Variants in SIPA1L1 observed in about 807,000 individuals in gnomAD.
SIPA1L1 encodes the protein signal induced proliferation associated 1 like 1.
Under a neutral mutation model 162.7 loss-of-function variants are expected in SIPA1L1, and 26 were observed. The ratio of observed to expected loss-of-function variants is 0.16; its 90% CI spans 0.12 to 0.22. SIPA1L1 has a LOEUF of 0.22. Among genes scored for constraint, SIPA1L1 ranks in the 10% least tolerant of loss-of-function variants. The pLI, the probability that SIPA1L1 is intolerant of heterozygous loss-of-function variation, is 1.00. For synonymous variants in SIPA1L1, 829 were observed against 837.4 expected, an observed-to-expected ratio of 0.99 and a Z score of 0.17; for missense variants, 1,874 against 2,241.0, an observed-to-expected ratio of 0.84 and a Z score of 3.31.
intron 5 of SIPA1L1, among the ~76,000 whole-genome samples, 195 bp downstream of exon 5, chr14:71,589,565 TATA>T (rs2035004215): frequency 1.3e-5 from 2 of 152,244 alleles, no homozygotes; most frequent in South Asian, 4.1e-4. Flanking sequence ...TCCTTTCAGA[TATA>T]TAAATGTCTT....
intron 2 of SIPA1L1, among the ~76,000 whole-genome samples, chr14:71,500,421 G>A (rs554748654): frequency 6.6e-6 from 1 of 152,104 alleles, no homozygotes; most frequent in African/African-American, 2.4e-5. Context: ...TGGTGGAAGC[G>A]CAAATTAAAG....
chr14:71,518,739 A>C (rs1367219747), intron 3 of SIPA1L1, among the ~76,000 whole-genome samples: 2 of 151,862 alleles, frequency 1.3e-5, no homozygotes, highest in Non-Finnish European at 2.9e-5. Context: ...TCAGGAGTTC[A>C]GCACCAGCCT....
chr14:71,665,262 TC>T (rs1177100345), intron 10 of SIPA1L1, among the ~76,000 whole-genome samples: 1 of 152,014 alleles, frequency 6.6e-6, no homozygotes, highest in Admixed American at 6.6e-5. Context: ...GAGAGAAAAA[TC>T]CCTATAGTGG....
chr14:71,580,347 C>T lies in SIPA1L1; in HGVS notation c.-302-7224C>T, dbSNP rs367974077. ...AATATACGTAGGAAAGTAGATGCTTCCCAGGAAAGGGGAACTAATGATGGC... is the reference window on the plus strand; with the variant it reads ...AATATACGTAGGAAAGTAGATGCTTTCCAGGAAAGGGGAACTAATGATGGC... On this transcript the variant is annotated intron_variant, in intron 4 of 23. Transcript: ENST00000381232. Among the ~76,000 whole-genome samples the T allele has an allele frequency of 1.4e-4, 21 of 152,250 alleles. No individual in the cohort carries two copies. The East Asian group carries it at 3.9e-3, about 28-fold the overall frequency.
intron 2 of SIPA1L1, among the ~76,000 whole-genome samples, chr14:71,388,136 C>T (rs2040480966): frequency 6.6e-6 from 1 of 152,128 alleles, no homozygotes; most frequent in Non-Finnish European, 1.5e-5. Context: ...TTGAGAAGGC[C>T]TAAAATATGA....
chr14:71,552,549 G>A (rs539115103), intron 4 of SIPA1L1, among the ~76,000 whole-genome samples: 176 of 151,708 alleles, frequency 1.2e-3, no homozygotes, highest in African/African-American at 4.1e-3. Flanking sequence ...CCGCCACCAC[G>A]CCCGGCTAAT....
intron 2 of SIPA1L1, among the ~76,000 whole-genome samples, chr14:71,345,860 G>T (rs1429728928): frequency 6.6e-6 from 1 of 150,732 alleles, no homozygotes; most frequent in Admixed American, 6.6e-5. Context: ...GAGCCACTGC[G>T]CCTGGCACCC....
chr14:71,453,005 C>G (rs1179059450), intron 2 of SIPA1L1, among the ~76,000 whole-genome samples: 2 of 152,126 alleles, frequency 1.3e-5, no homozygotes, highest in African/African-American at 4.8e-5. Flanking sequence ...ATACAACATC[C>G]AAATTTTGCT....
chr14:71,334,010 C>T (rs2034832944), intron 2 of SIPA1L1, among the ~76,000 whole-genome samples: 1 of 152,214 alleles, frequency 6.6e-6, no homozygotes, highest in East Asian at 1.9e-4. Context: ...AGGTGTTTAG[C>T]CTGAGCAGCT....
At chr14:71,676,508 G>A (rs907007499) in intron 12 of SIPA1L1, among the ~76,000 whole-genome samples, 27 of 148,698 alleles carry the variant, frequency 1.8e-4, no homozygotes, top group Non-Finnish European at 2.7e-4. Flanking sequence ...TAAGTTCTAG[G>A]ATACATGTGT....
chr14:71,685,424 A>G lies in SIPA1L1; in HGVS notation c.3167A>G (p.Tyr1056Cys), dbSNP rs528703576. The change falls in exon 13 of 24, where the codon TAC becomes TGC. Residue 1056 changes from tyrosine (Y) to cysteine (C), a missense_variant. Tyr to Cys is a radical substitution (Grantham distance 194, BLOSUM62 -2). Coordinates refer to ENST00000381232, the MANE Select transcript of SIPA1L1 (RefSeq NM_001386936.1). ...MEYKMNEGVS[Y>C]EFKFPFRNNN... The stretch of plus-strand genomic sequence containing the variant: ...TACAAAATGAATGAAGGTGTTTCAT[A>G]CGAATTCAAGTTTCCCTTCCGAAAT... The G allele has an allele frequency of 1.2e-6, 2 of 1,614,222 alleles. No individual in the cohort carries two copies. The highest frequency in any genetic ancestry group is 2.2e-5 in the South Asian group (2 of 91,084).
chr14:71,544,046 C>T (rs575303442), intron 4 of SIPA1L1, among the ~76,000 whole-genome samples: 6 of 145,726 alleles, frequency 4.1e-5, no homozygotes, highest in Admixed American at 1.5e-4. Flanking sequence ...TATACACACG[C>T]ACGCACATGT....
intron 2 of SIPA1L1, among the ~76,000 whole-genome samples, chr14:71,509,441 T>C (rs1468983846): frequency 6.6e-6 from 1 of 152,144 alleles, no homozygotes. Context: ...TAAGGTAGCA[T>C]GAGCAATATC....
At chr14:71,537,694 CTCTCT>C (rs1453094416) in intron 4 of SIPA1L1, among the ~76,000 whole-genome samples, 2 of 151,646 alleles carry the variant, frequency 1.3e-5, no homozygotes, top group Non-Finnish European at 2.9e-5. Context: ...TTTTCTCTCT[CTCTCT>C]TTTTTTTTTT....
At chr14:71,529,112 T>TA (rs200821316) in intron 3 of SIPA1L1, among the ~76,000 whole-genome samples, 200 bp from the exon 4 acceptor site, 63 of 143,316 alleles carry the variant, frequency 4.4e-4, no homozygotes, top group Middle Eastern at 3.6e-3. Context: ...AACTCCATCT[T>TA]AAAAAAAAAA....
At chr14:71,408,438 C>A (rs1485006280) in intron 2 of SIPA1L1, among the ~76,000 whole-genome samples, 1 of 152,094 alleles carries the variant, frequency 6.6e-6, no homozygotes, top group Non-Finnish European at 1.5e-5. Context: ...TGTCTCCTGT[C>A]CCCCAGTTTC....
In SIPA1L1 at chr14:71,337,878, C is replaced by T. The variant is rs371946972; in HGVS notation, c.-465+16697C>T. Among the ~76,000 whole-genome samples, 29 of 152,118 alleles carry T rather than the reference C, an allele frequency of 1.9e-4. 1 individual carries two copies. In the East Asian group the frequency reaches 2.1e-3, roughly 11 times the overall value. On this transcript the variant is annotated intron_variant, in intron 2 of 23. Transcript: ENST00000381232. ...GGAGGATCGCATGAGGCCAGGAGGT[C>T]GAGGCTGCAGTGAGCAGAGATAGTG...
Position 71,685,444 on chromosome 14 carries a change from C to G in SIPA1L1, c.3187C>G (p.Arg1063Gly). Residue 1063 changes from arginine to glycine, a missense_variant, in exon 13 of 24, where the codon CGA becomes GGA. Coordinates refer to ENST00000381232, the MANE Select transcript of SIPA1L1 (RefSeq NM_001386936.1). Reference protein sequence around the residue: ...GVSYEFKFPFRNNNKWQRNAS... With the variant: ...GVSYEFKFPFGNNNKWQRNAS... ...TTCATACGAATTCAAGTTTCCCTTC[C>G]GAAATAATAACAAGTGGCAGAGGAA... 1 of 1,614,118 alleles carries G rather than the reference C, an allele frequency of 6.2e-7. No homozygotes were observed. The highest frequency in any genetic ancestry group is 8.5e-7 in the Non-Finnish European group (1 of 1,180,032).
chr14:71,606,969 A>T (rs1166743182), intron 5 of SIPA1L1, among the ~76,000 whole-genome samples: 1 of 151,970 alleles, frequency 6.6e-6, no homozygotes, highest in Non-Finnish European at 1.5e-5. Flanking sequence ...AGTCATATAC[A>T]TGCATAAACA....
Sources: allele counts gnomAD v4.1 joint callset (sites outside exome capture counted in the v4.1 genomes callset), GRCh38; gene constraint gnomAD v4.1.1; transcripts MANE v1.5; gene names NCBI Gene and HGNC (gene_info 2026-07-23, HGNC 2026-07-21).